Variants in ASCC1 observed in about 807,000 individuals in gnomAD.
ASCC1 encodes activating signal cointegrator 1 complex subunit 1.
A neutral mutation model predicts 46.6 loss-of-function variants in ASCC1; 35 were observed. That is an observed-to-expected ratio of 0.75 (90% CI 0.57 to 0.99). ASCC1 has a LOEUF of 0.99. Ranked by LOEUF, ASCC1 falls within the 50% of genes least tolerant of loss-of-function variation. ASCC1 has a pLI of 0.00. For synonymous variants in ASCC1, 143 were observed against 146.6 expected, an observed-to-expected ratio of 0.98 and a Z score of 0.18; for missense variants, 376 against 428.7, an observed-to-expected ratio of 0.88 and a Z score of 1.09.
intron 7 of ASCC1, chr10:72,133,563 C>T (rs1845848098): frequency 3.4e-6 from 1 of 298,280 alleles, no homozygotes. Context: ...TGCAAAGATG[C>T]CAAGGCATGC....
intron 7 of ASCC1, among the ~76,000 whole-genome samples, chr10:72,152,180 T>G (rs560788384): frequency 1.3e-4 from 19 of 150,838 alleles, no homozygotes; most frequent in South Asian, 2.1e-4. Flanking sequence ...GGGTTTTTTT[T>G]TTTTTGTTTT....
chr10:72,102,386 G>A (rs1477349890), intron 9 of ASCC1: 2 of 1,549,966 alleles, frequency 1.3e-6, no homozygotes, highest in Non-Finnish European at 1.7e-6. Context: ...TTTCCTGGTA[G>A]GCTCTGAGAA....
intron 9 of ASCC1, among the ~76,000 whole-genome samples, chr10:72,123,951 G>C (rs1435809158): frequency 1.3e-5 from 2 of 152,096 alleles, no homozygotes; most frequent in African/African-American, 4.8e-5. Context: ...CAGCAAAAAA[G>C]AATAAACAGT....
intron 9 of ASCC1, among the ~76,000 whole-genome samples, chr10:72,120,901 T>C (rs775042267): frequency 1.3e-4 from 19 of 151,948 alleles, no homozygotes; most frequent in Admixed American, 1.3e-4. Context: ...AGAAATTATA[T>C]ATAATGCTCA....
At chr10:72,156,007 A>G (rs748137114) in intron 6 of ASCC1, among the ~76,000 whole-genome samples, 1 of 152,250 alleles carries the variant, frequency 6.6e-6, no homozygotes, top group Non-Finnish European at 1.5e-5. Context: ...AGGCTGATAT[A>G]TTAAATAGTT....
At chr10:72,190,136 G>C (rs1412470295) in intron 5 of ASCC1, 1 of 761,408 alleles carries the variant, frequency 1.3e-6, no homozygotes, top group Non-Finnish European at 2.4e-6. Flanking sequence ...TAGGATTCAT[G>C]TTCGCTGTGG....
At chr10:72,134,618 G>A (rs1261969364) in intron 7 of ASCC1, among the ~76,000 whole-genome samples, 1 of 152,088 alleles carries the variant, frequency 6.6e-6, no homozygotes, top group Non-Finnish European at 1.5e-5. Flanking sequence ...TATGTTCTTT[G>A]ATATTGAATC....
At chr10:72,163,294 G>A (rs1193494784) in intron 5 of ASCC1, among the ~76,000 whole-genome samples, 1 of 152,006 alleles carries the variant, frequency 6.6e-6, no homozygotes, top group African/African-American at 2.4e-5. Context: ...ACTGAAAAAG[G>A]GACTCAAATA....
intron 3 of ASCC1, among the ~76,000 whole-genome samples, chr10:72,207,123 T>A (rs983014261): frequency 2.0e-5 from 3 of 152,116 alleles, no homozygotes; most frequent in Non-Finnish European, 4.4e-5. Context: ...TCTAAAATAC[T>A]CACTATAGGC....
chr10:72,102,910 G>C (rs1396612756), intron 9 of ASCC1: 1 of 432,568 alleles, frequency 2.3e-6, no homozygotes, highest in East Asian at 7.5e-5. Context: ...GGGAGGCACA[G>C]GTTGCAGTGA....
At chr10:72,154,572 A>G (rs1315301867) in intron 6 of ASCC1, among the ~76,000 whole-genome samples, 1 of 151,432 alleles carries the variant, frequency 6.6e-6, no homozygotes, top group Non-Finnish European at 1.5e-5. Context: ...GCTCATTGCA[A>G]CCTCCACCTC....
At position 72,121,558 on chromosome 10, in the gene ASCC1, GAT is replaced by G. The variant is rs1211845307; in HGVS notation, c.957+6522_957+6523del. Among the ~76,000 whole-genome samples, 4 of 150,822 alleles carry G rather than the reference GAT, an allele frequency of 2.7e-5. No homozygotes were observed. The East Asian group carries it at 7.7e-4, about 29-fold the overall frequency. On this transcript the variant is annotated intron_variant, in intron 9 of 9. Transcript: ENST00000672957. ...AAAAGTAAATAAAGGGATGAAGAAAGATATACCATTCTAACACTAACTGAAAG... is the reference window on the plus strand; with the variant it reads ...AAAAGTAAATAAAGGGATGAAGAAAGATACCATTCTAACACTAACTGAAAG...
At chr10:72,186,929 GATGCAC>G (rs1853541108) in intron 5 of ASCC1, among the ~76,000 whole-genome samples, 4 of 144,842 alleles carry the variant, frequency 2.8e-5, no homozygotes, top group African/African-American at 1.0e-4. Context: ...GAAGAAAGCG[GATGCAC>G]ATGCACATGC....
At chr10:72,131,997 T>G (rs1589275390) in intron 8 of ASCC1, among the ~76,000 whole-genome samples, 3 of 151,702 alleles carry the variant, frequency 2.0e-5, no homozygotes, top group South Asian at 4.2e-4. Flanking sequence ...ACCTCCCAAG[T>G]AGCTGGGATT....
At chr10:72,135,999 G>A (rs148381705) in intron 7 of ASCC1, among the ~76,000 whole-genome samples, 27 of 152,242 alleles carry the variant, frequency 1.8e-4, no homozygotes, top group African/African-American at 6.0e-4. Context: ...GGAAACCGAG[G>A]GTTGTTTTTT....
intron 5 of ASCC1, among the ~76,000 whole-genome samples, chr10:72,168,340 T>C (rs184415128): frequency 4.5e-4 from 68 of 152,330 alleles, no homozygotes; most frequent in Non-Finnish European, 7.3e-4. Flanking sequence ...ATAATTTTGC[T>C]CATTTAAAAA....
intron 6 of ASCC1, among the ~76,000 whole-genome samples, chr10:72,160,781 T>TA (rs568875489): frequency 0.029 from 3,878 of 132,248 alleles, 125 homozygotes; most frequent in Admixed American, 0.099. Flanking sequence ...TTATTTGTAT[T>TA]AAAAAAAAAA....
intron 9 of ASCC1, among the ~76,000 whole-genome samples, chr10:72,107,020 A>C (rs1842409208): frequency 6.6e-6 from 1 of 152,206 alleles, no homozygotes. Context: ...AAATGATGTG[A>C]AAAGCTATCA....
Position 72,096,662 on chromosome 10 carries a change from C to A in ASCC1, c.*672G>T. ...TCCCAATAGTCAAGAGGAAGCAAGC[C>A]AAGTGTTCACTGATGGAGGAACAGA... On this transcript the variant is annotated 3_prime_UTR_variant, in exon 10 of 10. Coordinates refer to ENST00000672957, the MANE Select transcript of ASCC1 (RefSeq NM_001198800.3). 1 of 454,076 alleles carries A rather than the reference C, an allele frequency of 2.2e-6. No homozygotes were observed. The highest frequency in any genetic ancestry group is 1.6e-5 in the South Asian group (1 of 64,468). The allele number at this position is 454,076 out of a possible 1,614,324, so 28.1% of individuals were successfully genotyped here. A position where few individuals can be genotyped will look rare whatever the true frequency, so the allele number is the denominator to read the frequency against.
Sources: gnomAD v4.1 joint callset for allele counts (sites outside exome capture counted in the v4.1 genomes callset) on GRCh38, gnomAD v4.1.1 for gene constraint, MANE v1.5 for transcripts, NCBI Gene and HGNC (gene_info 2026-07-23, HGNC 2026-07-21) for gene names.